The following PCDH15 variants were observed in gnomAD, a reference collection of about 807,000 sequenced individuals.
PCDH15 encodes the protein protocadherin-15.
A neutral mutation model predicts 178.5 loss-of-function variants in PCDH15; 129 were observed. The ratio of observed to expected loss-of-function variants is 0.72; its 90% CI spans 0.63 to 0.84. The LOEUF (loss-of-function observed/expected upper bound fraction) is 0.84. Ranked by LOEUF, PCDH15 falls within the 40% of genes least tolerant of loss-of-function variation. The pLI is 0.00. For missense variants in PCDH15, 2,230 were observed against 2,099.9 expected, an observed-to-expected ratio of 1.06 and a Z score of -1.21; for synonymous variants, 800 against 732.0, an observed-to-expected ratio of 1.09 and a Z score of -1.50.
intron 25 of PCDH15, among the ~76,000 whole-genome samples, chr10:53,918,192 A>C (rs2083687876): frequency 6.6e-6 from 1 of 152,340 alleles, no homozygotes; most frequent in South Asian, 2.1e-4. Flanking sequence ...TCTTTCTTGA[A>C]GAGTTTCTCT....
intron 3 of PCDH15, among the ~76,000 whole-genome samples, chr10:54,885,866 C>CT (rs917851486): frequency 6.6e-6 from 1 of 152,058 alleles, no homozygotes; most frequent in African/African-American, 2.4e-5. Context: ...TGTGAATACA[C>CT]TTTTTTCTCT....
chr10:54,527,815 T>C lies in PCDH15; in HGVS notation c.154A>G (p.Asn52Asp), dbSNP rs2083499898. 6.2e-7 allele frequency: 1 copy of C among 1,607,762 alleles called. No homozygotes were observed. Among genetic ancestry groups the C allele is most frequent in the Non-Finnish European group, 8.5e-7 (1 of 1,175,574 alleles). ...GTAAAATAAAAAACTCACTTACCAT[T>C]CCGACTTTCTTCATCAATAGCAACT... ...TIVAIDEESR[N>D]GTILVDNMLI... The change falls in exon 3 of 38, where the codon AAT becomes GAT. Residue 52 changes from asparagine to aspartate, a missense_variant. Transcript: ENST00000644397.
chr10:54,407,979 C>T (rs1376634209), intron 3 of PCDH15, among the ~76,000 whole-genome samples: 21 of 139,556 alleles, frequency 1.5e-4, no homozygotes, highest in African/African-American at 4.8e-4. Flanking sequence ...CACTTGAACC[C>T]GGGAGGTGGA....
chr10:55,596,797 G>T (rs1311659088), intron 2 of PCDH15, among the ~76,000 whole-genome samples: 1 of 151,902 alleles, frequency 6.6e-6, no homozygotes, highest in East Asian at 1.9e-4. Flanking sequence ...ACAAACAAAA[G>T]CATTTTAAAC....
At chr10:54,655,428 GGTGT>G (rs371162241) in intron 2 of PCDH15, 32,731 of 141,720 alleles carry the variant, frequency 0.23, 3,822 homozygotes, top group African/African-American at 0.3. Context: ...TGTGTGGTGG[GGTGT>G]GTGTGTGTGT....
intron 18 of PCDH15, among the ~76,000 whole-genome samples, chr10:54,065,208 C>T (rs1018465488): frequency 2.6e-5 from 4 of 152,176 alleles, no homozygotes; most frequent in Non-Finnish European, 5.9e-5. Flanking sequence ...ATATGTTTTC[C>T]AGTTCCATAA....
chr10:55,242,016 A>C (rs1841555847), intron 1 of PCDH15, among the ~76,000 whole-genome samples: 1 of 152,200 alleles, frequency 6.6e-6, no homozygotes, highest in Admixed American at 6.5e-5. Context: ...TTGAGAACAC[A>C]TAATAGTATT....
intron 2 of PCDH15, among the ~76,000 whole-genome samples, chr10:55,473,607 T>A (rs1840008005): frequency 6.6e-6 from 1 of 152,124 alleles, no homozygotes; most frequent in Non-Finnish European, 1.5e-5. Context: ...TAGAACAGCT[T>A]TTTTCTCTCC....
intron 1 of PCDH15, among the ~76,000 whole-genome samples, chr10:54,694,720 C>T (rs534828740): frequency 4.6e-5 from 7 of 152,132 alleles, no homozygotes; most frequent in South Asian, 4.2e-4. Context: ...TTAACTGATA[C>T]ATGTTGAATG....
chr10:55,265,046 G>A (rs1056159258), intron 1 of PCDH15, among the ~76,000 whole-genome samples: 2 of 152,006 alleles, frequency 1.3e-5, no homozygotes, highest in African/African-American at 4.8e-5. Context: ...GCTCCCACCA[G>A]CCCTGCTCCT....
intron 9 of PCDH15, among the ~76,000 whole-genome samples, chr10:54,230,362 A>G (rs1368794415): frequency 6.6e-6 from 1 of 152,168 alleles, no homozygotes; most frequent in Non-Finnish European, 1.5e-5. Flanking sequence ...ACAAAAGAAA[A>G]TATAAACAAA....
In PCDH15 at chr10:55,241,543, C is replaced by T. The variant is rs182246349; in HGVS notation, c.-155-74892G>A. On this transcript the variant is annotated intron_variant, in intron 1 of 5. Coordinates refer to the PCDH15 transcript ENST00000458638. ...CAAGTGATCATCCTACCTTAGTCTC[C>T]CGAGTAGCTGAGACCACAGGTGTAC... Among the ~76,000 whole-genome samples, 3 of 152,204 alleles carry T rather than the reference C, an allele frequency of 2.0e-5. No individual in the cohort carries two copies. In the East Asian group the frequency reaches 5.8e-4, roughly 30 times the overall value.
In PCDH15 at chr10:55,033,193, A is replaced by G. The variant is rs142955656; in HGVS notation, c.-80+133383T>C. 3.1e-3 allele frequency among the ~76,000 whole-genome samples: 476 copies of G among 152,238 alleles called. 7 individuals are homozygous for G. Among genetic ancestry groups the G allele is most frequent in the African/African-American group, 0.011 (440 of 41,560 alleles). The stretch of plus-strand genomic sequence containing the variant: ...AAAGAGAGTCCTCAAAGGGAGAGGC[A>G]TAGTGCAGGAGGGGGCAGGGGGACA... On this transcript the variant is annotated intron_variant, in intron 2 of 5. Coordinates refer to the PCDH15 transcript ENST00000458638.
chr10:54,187,125 C>T (rs2048541376), intron 11 of PCDH15, among the ~76,000 whole-genome samples: 1 of 151,884 alleles, frequency 6.6e-6, no homozygotes, highest in Non-Finnish European at 1.5e-5. Flanking sequence ...TTAATTTATT[C>T]GGACCTTTAA....
At chr10:55,525,427 A>T (rs1362959637) in intron 2 of PCDH15, among the ~76,000 whole-genome samples, 1 of 151,900 alleles carries the variant, frequency 6.6e-6, no homozygotes, top group East Asian at 1.9e-4. Context: ...TAGATAAATA[A>T]TCTGAGAATG....
At chr10:54,289,897 T>C (rs1372825158) in intron 8 of PCDH15, among the ~76,000 whole-genome samples, 1 of 152,064 alleles carries the variant, frequency 6.6e-6, no homozygotes, top group Non-Finnish European at 1.5e-5. Context: ...TAGGACTATG[T>C]GAAAAGACCA....
chr10:54,394,823 C>A (rs1299743405), intron 3 of PCDH15, among the ~76,000 whole-genome samples: 4 of 152,126 alleles, frequency 2.6e-5, no homozygotes, highest in Non-Finnish European at 5.9e-5. Flanking sequence ...TAAGCCTATA[C>A]CTCCAGGTGG....
chr10:55,414,517 A>G (rs1470737912), intron 2 of PCDH15, among the ~76,000 whole-genome samples: 1 of 151,716 alleles, frequency 6.6e-6, no homozygotes, highest in African/African-American at 2.4e-5. Flanking sequence ...CCATGAACAC[A>G]GAATACGTTT....
intron 21 of PCDH15, among the ~76,000 whole-genome samples, chr10:53,965,589 T>C (rs1363757844): frequency 6.6e-6 from 1 of 152,136 alleles, no homozygotes; most frequent in Non-Finnish European, 1.5e-5. Flanking sequence ...TTGGCAAAGA[T>C]ACTATAGAAT....
Sources: gnomAD v4.1 joint callset for allele counts (sites outside exome capture counted in the v4.1 genomes callset) on GRCh38, gnomAD v4.1.1 for gene constraint, MANE v1.5 for transcripts, NCBI Gene and HGNC (gene_info 2026-07-23, HGNC 2026-07-21) for gene names.